The following KLHL1 variants were observed in gnomAD, a reference collection of about 807,000 sequenced individuals.
The protein encoded by KLHL1 is kelch-like protein 1.
A neutral mutation model predicts 77.7 loss-of-function variants in KLHL1; 47 were observed. The observed-to-expected ratio is 0.60, with a 90% CI of 0.48 to 0.77. The LOEUF (loss-of-function observed/expected upper bound fraction) is 0.77, where lower values mean the gene tolerates loss of function less well. KLHL1 is among the 30% of genes least tolerant of loss of function. The probability of loss-of-function intolerance (pLI) is 0.00; values close to 1 mark genes in which losing one functional copy is unlikely to be tolerated. For missense variants in KLHL1, 925 were observed against 910.8 expected (o/e 1.02, Z -0.20); for synonymous variants, 360 against 325.2 (o/e 1.11, Z -1.15).
At chr13:69,702,040 G>A (rs1875417106) in intron 10 of KLHL1, among the ~76,000 whole-genome samples, 1 of 151,594 alleles carries the variant, frequency 6.6e-6, no homozygotes, top group Non-Finnish European at 1.5e-5. Context: ...CTATAGAAAA[G>A]TTTCCATCAA....
At chr13:70,080,857 TC>T (rs1240568927) in intron 1 of KLHL1, among the ~76,000 whole-genome samples, 4 of 152,110 alleles carry the variant, frequency 2.6e-5, no homozygotes, top group Admixed American at 1.3e-4. Flanking sequence ...TGCCTCAGCC[TC>T]CCAAAGTGCT....
intron 7 of KLHL1, among the ~76,000 whole-genome samples, chr13:69,793,677 A>G (rs1646314215): frequency 6.6e-6 from 1 of 152,134 alleles, no homozygotes; most frequent in African/African-American, 2.4e-5. Flanking sequence ...CATAGATACA[A>G]ATTAATGGTG....
intron 1 of KLHL1, among the ~76,000 whole-genome samples, chr13:70,100,382 G>A (rs940675432): frequency 3.9e-5 from 6 of 151,958 alleles, no homozygotes; most frequent in African/African-American, 1.2e-4. Context: ...ATCCTGCCAC[G>A]TTGCTAAGCT....
intron 3 of KLHL1, among the ~76,000 whole-genome samples, chr13:69,956,465 G>A (rs1883890846): frequency 6.6e-6 from 1 of 151,284 alleles, no homozygotes; most frequent in Non-Finnish European, 1.5e-5. Flanking sequence ...GAGAAACTAT[G>A]AACCAAACCT....
chr13:69,775,684 T>C (rs997669478), intron 7 of KLHL1, among the ~76,000 whole-genome samples: 6 of 150,930 alleles, frequency 4.0e-5, no homozygotes, highest in African/African-American at 1.5e-4. Flanking sequence ...TTTTCCTGAA[T>C]GCCTAAGGGT....
intron 1 of KLHL1, among the ~76,000 whole-genome samples, chr13:70,056,791 A>C (rs185193460): frequency 1.1e-4 from 17 of 152,250 alleles, no homozygotes; most frequent in Admixed American, 1.1e-3. Flanking sequence ...ATGGAAACAC[A>C]ATGTACAAAA....
intron 4 of KLHL1, among the ~76,000 whole-genome samples, chr13:69,890,471 G>A (rs533097207): frequency 3.9e-5 from 6 of 152,046 alleles, no homozygotes; most frequent in South Asian, 4.1e-4. Flanking sequence ...GGAAACCCAC[G>A]ACCCTGTGAG....
At chr13:69,973,049 T>TA (rs1484068949) in intron 2 of KLHL1, among the ~76,000 whole-genome samples, 1 of 151,956 alleles carries the variant, frequency 6.6e-6, no homozygotes, top group African/African-American at 2.4e-5. Flanking sequence ...CTTCAAGGCC[T>TA]AAAGCACAAA....
intron 6 of KLHL1, among the ~76,000 whole-genome samples, chr13:69,800,067 C>T (rs1311074234): frequency 6.6e-6 from 1 of 152,152 alleles, no homozygotes; most frequent in African/African-American, 2.4e-5. Context: ...AAATGTTCTT[C>T]CACCAAACTA....
intron 7 of KLHL1, among the ~76,000 whole-genome samples, chr13:69,770,019 A>G (rs370090600): frequency 1.2e-3 from 178 of 152,236 alleles, no homozygotes; most frequent in African/African-American, 4.0e-3. Context: ...GAGCTGTGAC[A>G]TGCCCTTGTT....
At chr13:69,833,041 G>A (rs1344648352) in intron 6 of KLHL1, among the ~76,000 whole-genome samples, 1 of 151,946 alleles carries the variant, frequency 6.6e-6, no homozygotes, top group Non-Finnish European at 1.5e-5. Context: ...CATTGTCTTA[G>A]GCAAAGACTT....
intron 1 of KLHL1, among the ~76,000 whole-genome samples, chr13:70,086,361 T>C (rs1887536919): frequency 6.6e-6 from 1 of 151,528 alleles, no homozygotes; most frequent in Non-Finnish European, 1.5e-5. Flanking sequence ...GGTGCTTGGA[T>C]CACCTGAAGT....
intron 8 of KLHL1, among the ~76,000 whole-genome samples, chr13:69,735,468 T>C (rs1207186125): frequency 1.3e-5 from 2 of 150,444 alleles, no homozygotes; most frequent in Admixed American, 1.3e-4. Context: ...CTATTATAAA[T>C]TGAATAGTAA....
intron 5 of KLHL1, among the ~76,000 whole-genome samples, chr13:69,853,644 A>G (rs1030740273): frequency 6.6e-6 from 1 of 152,032 alleles, no homozygotes; most frequent in Non-Finnish European, 1.5e-5. Flanking sequence ...TAAGTGTTTA[A>G]AGTGGTATTC....
intron 5 of KLHL1, among the ~76,000 whole-genome samples, chr13:69,872,332 G>A (rs1593906442): frequency 6.6e-6 from 1 of 151,870 alleles, no homozygotes; most frequent in Admixed American, 6.6e-5. Context: ...CTGCCCTACA[G>A]CCTCCTGTAG....
intron 1 of KLHL1, among the ~76,000 whole-genome samples, chr13:70,004,038 G>A (rs61964202): frequency 0.029 from 4,431 of 151,820 alleles, 96 homozygotes; most frequent in Non-Finnish European, 0.043. Context: ...TCTTAGACAT[G>A]GTTACTAGTT....
intron 8 of KLHL1, among the ~76,000 whole-genome samples, chr13:69,721,911 C>T (rs1240075459): frequency 6.6e-6 from 1 of 151,920 alleles, no homozygotes; most frequent in Non-Finnish European, 1.5e-5. Context: ...GCAAAAGCAC[C>T]CAGAAGTGAA....
chr13:69,876,882 A>T (rs1054497942), intron 5 of KLHL1, among the ~76,000 whole-genome samples: 80 of 152,264 alleles, frequency 5.3e-4, no homozygotes, highest in African/African-American at 1.7e-3. Flanking sequence ...TATTAAAAAT[A>T]CAAAATTAGC....
intron 4 of KLHL1, among the ~76,000 whole-genome samples, chr13:69,925,165 C>T (rs758887473): frequency 1.5e-4 from 23 of 152,212 alleles, no homozygotes; most frequent in Non-Finnish European, 2.4e-4. Flanking sequence ...AGCAACATCC[C>T]AAGTATCCCA....
Sources: allele counts gnomAD v4.1 joint callset (sites outside exome capture counted in the v4.1 genomes callset), GRCh38; gene constraint gnomAD v4.1.1; transcripts MANE v1.5; gene names NCBI Gene and HGNC (gene_info 2026-07-23, HGNC 2026-07-21).